The following MS4A15 variants were observed in gnomAD, a reference collection of about 807,000 sequenced individuals.
MS4A15 encodes membrane-spanning 4-domains subfamily A member 15.
A neutral mutation model predicts 20.6 loss-of-function variants in MS4A15; 22 were observed. The observed-to-expected ratio is 1.07, with a 90% CI of 0.76 to 1.52. The LOEUF is 1.52. MS4A15 is among the 40% of genes most tolerant of loss of function. The pLI is 0.00. For synonymous variants in MS4A15, 129 were observed against 129.3 expected (o/e 1.00, Z 0.02); for missense variants, 312 against 323.0 (o/e 0.97, Z 0.26).
chr11:60,770,314 T>C (rs751502615), intron 3 of MS4A15, among the ~76,000 whole-genome samples: 4 of 152,034 alleles, frequency 2.6e-5, no homozygotes, highest in Non-Finnish European at 4.4e-5. Context: ...AGAATATAAG[T>C]TCCGGCCGGG....
chr11:60,758,661 G>A (rs891238573), intron 1 of MS4A15, among the ~76,000 whole-genome samples: 2 of 152,214 alleles, frequency 1.3e-5, no homozygotes, highest in Non-Finnish European at 2.9e-5. Context: ...TACTCTTCTA[G>A]CTTGTGCTCT....
chr11:60,763,034 T>G (rs752196355), intron 1 of MS4A15, among the ~76,000 whole-genome samples: 1 of 152,186 alleles, frequency 6.6e-6, no homozygotes, highest in Non-Finnish European at 1.5e-5. Flanking sequence ...GGCGGACAGA[T>G]GCTGGGGTGG....
At chr11:60,775,463 G>T in intron 6 of MS4A15, 142 bp from the exon 7 acceptor site, 1 of 643,802 alleles carries the variant, frequency 1.6e-6, no homozygotes, top group South Asian at 2.1e-5. Flanking sequence ...TTGGTTGCAC[G>T]GAGAGCCCTG....
At chr11:60,757,553 A>G (rs982988730) in intron 1 of MS4A15, among the ~76,000 whole-genome samples, 1 of 152,170 alleles carries the variant, frequency 6.6e-6, no homozygotes, top group African/African-American at 2.4e-5. Flanking sequence ...GTAGGGCATA[A>G]GGAGGATATT....
At chr11:60,758,594 A>G (rs1853648475) in intron 1 of MS4A15, among the ~76,000 whole-genome samples, 1 of 152,258 alleles carries the variant, frequency 6.6e-6, no homozygotes, top group Non-Finnish European at 1.5e-5. Context: ...CTAACCAGGC[A>G]TATGGCAAAA....
At chr11:60,767,713 C>A in intron 3 of MS4A15, 58 bp downstream of exon 3, 1 of 1,460,866 alleles carries the variant, frequency 6.8e-7, no homozygotes, top group Non-Finnish European at 9.1e-7. Context: ...GCTCACCTCT[C>A]CCCCACGCGC....
intron 2 of MS4A15, among the ~76,000 whole-genome samples, chr11:60,766,169 T>C (rs2134712577): frequency 6.6e-6 from 1 of 152,156 alleles, no homozygotes; most frequent in African/African-American, 2.4e-5. Context: ...TCACCTGAGG[T>C]CAGGAGTTCG....
chr11:60,773,505 C>T (rs762028255), intron 5 of MS4A15, 21 bp downstream of exon 5: 27 of 1,607,334 alleles, frequency 1.7e-5, no homozygotes, highest in Non-Finnish European at 2.3e-5. Flanking sequence ...AGATGGCCCT[C>T]GGGGTGGGAA....
rs536637255 is a variant in MS4A15, at chr11:60,771,748, C to T, written c.405+401C>T. 8 of 1,228,492 alleles carry T rather than the reference C, an allele frequency of 6.5e-6. No individual in the cohort carries two copies. The African/African-American group carries it at 7.8e-5, about 12-fold the overall frequency. 76.1% of individuals were successfully genotyped at this position (1,228,492 alleles called of 1,614,324 possible). A position where few individuals can be genotyped will look rare whatever the true frequency, so the allele number is the denominator to read the frequency against. ...TGAAACCACGCCTGGCTCCATCCAACGAAGGCAAAGGTAGGAGAAGGAAAG... is the reference window on the plus strand; with the variant it reads ...TGAAACCACGCCTGGCTCCATCCAATGAAGGCAAAGGTAGGAGAAGGAAAG... On this transcript the variant is annotated intron_variant, in intron 4 of 6. Transcript: ENST00000405633.
At chr11:60,757,561 AT>A (rs1384680451) in intron 1 of MS4A15, among the ~76,000 whole-genome samples, 3 of 151,946 alleles carry the variant, frequency 2.0e-5, no homozygotes, top group African/African-American at 7.3e-5. Flanking sequence ...TAAGGAGGAT[AT>A]TTTTTTCTAG....
At chr11:60,760,322 CAT>C (rs1853705899) in intron 1 of MS4A15, among the ~76,000 whole-genome samples, 1 of 152,238 alleles carries the variant, frequency 6.6e-6, no homozygotes, top group Non-Finnish European at 1.5e-5. Context: ...CTCAAGCTCA[CAT>C]GATTATTAAA....
intron 4 of MS4A15, chr11:60,771,703 A>G: frequency 7.6e-7 from 1 of 1,309,790 alleles, no homozygotes; most frequent in Non-Finnish European, 1.0e-6. Flanking sequence ...TGCACGGAGG[A>G]GTGTGGGCAG....
intron 2 of MS4A15, 81 bp from the exon 3 acceptor site, chr11:60,767,452 G>A: frequency 1.4e-6 from 2 of 1,396,538 alleles, no homozygotes; most frequent in Non-Finnish European, 1.9e-6. Context: ...AGGAGGGCGG[G>A]GCCAGCCACG....
chr11:60,759,983 T>C (rs1225456605), intron 1 of MS4A15, among the ~76,000 whole-genome samples: 1 of 152,204 alleles, frequency 6.6e-6, no homozygotes, highest in Non-Finnish European at 1.5e-5. Context: ...CCTCGCATGC[T>C]GAGTGTGCCG....
At chr11:60,774,031 C>T in intron 6 of MS4A15, 81 bp downstream of exon 6, 1 of 1,058,268 alleles carries the variant, frequency 9.4e-7, no homozygotes, top group Non-Finnish European at 1.5e-6. Flanking sequence ...GGAGCGCGCT[C>T]TGCCTCCAGA....
chr11:60,773,582 T>G, intron 5 of MS4A15, 98 bp downstream of exon 5: 1 of 1,082,074 alleles, frequency 9.2e-7, no homozygotes, highest in Non-Finnish European at 1.4e-6. Flanking sequence ...GCCAGGACGT[T>G]GGCAGGGCCT....
chr11:60,763,616 A>G, intron 1 of MS4A15, 90 bp from the exon 2 acceptor site: 1 of 1,069,126 alleles, frequency 9.4e-7, no homozygotes. Flanking sequence ...GCAGGGCTGC[A>G]GTAAGCAAGG....
intron 1 of MS4A15, among the ~76,000 whole-genome samples, chr11:60,760,397 A>G (rs1346970093): frequency 6.6e-6 from 1 of 152,234 alleles, no homozygotes; most frequent in East Asian, 1.9e-4. Flanking sequence ...GTGCCAACCC[A>G]CGAGGTCTGG....
chr11:60,767,813 T>G (rs555463293), intron 3 of MS4A15, among the ~76,000 whole-genome samples, 158 bp downstream of exon 3: 1 of 152,278 alleles, frequency 6.6e-6, no homozygotes, highest in South Asian at 2.1e-4. Flanking sequence ...TCTAACTCCT[T>G]GCCGGAAACG....
Sources: allele counts gnomAD v4.1 joint callset (sites outside exome capture counted in the v4.1 genomes callset), GRCh38; gene constraint gnomAD v4.1.1; transcripts MANE v1.5; gene names NCBI Gene and HGNC (gene_info 2026-07-23, HGNC 2026-07-21).